Variants in TRAF6 observed in about 807,000 individuals in gnomAD.
TRAF6 encodes the protein TNF receptor-associated factor 6.
TRAF6 carries 10 observed loss-of-function variants against 48.4 expected under a neutral mutation model. The observed-to-expected ratio is 0.21, with a 90% confidence interval of 0.13 to 0.35. The LOEUF (loss-of-function observed/expected upper bound fraction) is 0.35, where lower values mean the gene tolerates loss of function less well. Among genes scored for constraint, TRAF6 ranks in the 10% least tolerant of loss-of-function variants. TRAF6 has a pLI of 1.00. For synonymous variants in TRAF6, 186 were observed against 219.6 expected (o/e 0.85, Z 1.35); for missense variants, 397 against 661.0 (o/e 0.60, Z 4.38).
At position 36,505,966 on chromosome 11, in the gene TRAF6, G is replaced by A. The variant is rs181248001; in HGVS notation, c.-23+4082C>T. Among the ~76,000 whole-genome samples the A allele has an allele frequency of 1.9e-3, 288 of 152,170 alleles. 7 individuals are homozygous for A. The highest frequency in any genetic ancestry group is 0.018 in the Admixed American group (270 of 15,264). On this transcript the variant is annotated intron_variant, in intron 1 of 6. Transcript: ENST00000526995. ...GTACTCCAAAACAACAATTACAATA[G>A]TAACATCAAAGATCGCTGATCACAG... is the stretch of plus-strand genomic sequence containing the variant.
rs767362549 is a variant in TRAF6 at position 36,486,664 on chromosome 11, A to C, written c.*3174T>G. 6.6e-6 allele frequency among the ~76,000 whole-genome samples: 1 copy of C among 152,186 alleles called. No individual in the cohort carries two copies. The highest frequency in any genetic ancestry group is 1.5e-5 in the Non-Finnish European group (1 of 68,048). ...ACTATTTATCCCCAAAATAAAAGTT[A>C]AATCATATTGTAGTATACCAATAAA... On this transcript the variant is annotated 3_prime_UTR_variant, in exon 7 of 7. Transcript: ENST00000526995.
rs1859489306 is a variant in TRAF6 at position 36,486,688 on chromosome 11, AAC to A, written c.*3148_*3149del. 6.6e-6 allele frequency among the ~76,000 whole-genome samples: 1 copy of A among 152,192 alleles called. No homozygotes were observed. The highest frequency in any genetic ancestry group is 1.5e-5 in the Non-Finnish European group (1 of 68,050). The stretch of plus-strand genomic sequence containing the variant: ...TAAATCATATTGTAGTATACCAATA[AAC>A]AGTCTTTGCTGCCAATAGATAGTAA... On this transcript the variant is annotated 3_prime_UTR_variant, in exon 7 of 7. Transcript: ENST00000526995.
intron 1 of TRAF6, among the ~76,000 whole-genome samples, chr11:36,503,457 G>A (rs1490295580): frequency 6.6e-6 from 1 of 152,062 alleles, no homozygotes; most frequent in African/African-American, 2.4e-5. Context: ...ACTAATTTTT[G>A]TGTTTAGTAG....
chr11:36,495,391 T>C (rs896888550), intron 4 of TRAF6, among the ~76,000 whole-genome samples: 4 of 152,194 alleles, frequency 2.6e-5, no homozygotes, highest in African/African-American at 9.7e-5. Flanking sequence ...TTACAAAAAT[T>C]TTCAGCAGCA....
At position 36,510,045 on chromosome 11, in the gene TRAF6, C is replaced by T. The variant is rs2133684837; in HGVS notation, c.-23+3G>A. 6.6e-6 allele frequency: 1 copy of T among 152,474 alleles called. No homozygotes were observed. The highest frequency in any genetic ancestry group is 1.9e-4 in the East Asian group (1 of 5,152). The allele number at this position is 152,474 out of a possible 1,614,324, so 9.4% of individuals were successfully genotyped here. The stretch of plus-strand genomic sequence containing the variant: ...CAGGAGGAGGCGCCTGAAGGAGACT[C>T]ACCGTTCTAGTGCGCGGGGAGGCCG... On this transcript the variant is annotated splice_donor_region_variant and intron_variant, in intron 1 of 6. Coordinates refer to ENST00000526995, the MANE Select transcript of TRAF6 (RefSeq NM_004620.4).
intron 6 of TRAF6, among the ~76,000 whole-genome samples, chr11:36,491,253 A>G (rs1020851525): frequency 6.6e-6 from 1 of 152,180 alleles, no homozygotes. Flanking sequence ...ATGCCATTCT[A>G]AGGTCATTAA....
At position 36,492,535 on chromosome 11, in the gene TRAF6, GA is replaced by G. The variant is rs3217283; in HGVS notation, c.756+15del. The G allele has an allele frequency of 0.017, 27,077 of 1,556,742 alleles. 377 individuals are homozygous for G. The highest frequency in any genetic ancestry group is 0.079 in the East Asian group (3,494 of 44,322). On this transcript the variant is annotated intron_variant, in intron 6 of 6. Coordinates refer to ENST00000526995, the MANE Select transcript of TRAF6 (RefSeq NM_004620.4). ...TTTTACTTATATTCAAGAATTAAAA[GA>G]AAAAAAAACCTTACCTTTTCATGGC...
intron 4 of TRAF6, chr11:36,496,562 AAG>A (rs1047608757): frequency 1.0e-4 from 16 of 153,520 alleles, no homozygotes; most frequent in African/African-American, 3.4e-4. Flanking sequence ...CCTGGGCAAC[AAG>A]AGTGAAACTC....
intron 2 of TRAF6, among the ~76,000 whole-genome samples, 161 bp from the exon 3 acceptor site, chr11:36,498,801 G>T (rs1421986554): frequency 6.6e-6 from 1 of 152,132 alleles, no homozygotes; most frequent in South Asian, 2.1e-4. Flanking sequence ...TCCTTTTATG[G>T]AGAGCTTACA....
At chr11:36,494,854 C>A in intron 5 of TRAF6, 122 bp downstream of exon 5, 1 of 539,396 alleles carries the variant, frequency 1.9e-6, no homozygotes, top group South Asian at 3.5e-5. Context: ...AATTTTCACA[C>A]AGCTCTAATA....
intron 3 of TRAF6, among the ~76,000 whole-genome samples, chr11:36,497,699 A>C (rs1218278034): frequency 1.3e-5 from 2 of 152,176 alleles, no homozygotes; most frequent in African/African-American, 2.4e-5. Context: ...AAAGCAAATT[A>C]TTTTATAATC....
intron 6 of TRAF6, 35 bp downstream of exon 6, chr11:36,492,516 T>C: frequency 6.7e-7 from 1 of 1,488,238 alleles, no homozygotes; most frequent in Non-Finnish European, 9.2e-7. Flanking sequence ...TTTTTTTTAC[T>C]TATATTCAAG....
chr11:36,494,107 A>G (rs1367506544), intron 5 of TRAF6, among the ~76,000 whole-genome samples: 2 of 152,200 alleles, frequency 1.3e-5, no homozygotes, highest in East Asian at 1.9e-4. Context: ...GCTCACACCT[A>G]TAATTCTAGC....
intron 1 of TRAF6, among the ~76,000 whole-genome samples, chr11:36,508,477 T>A (rs1227440664): frequency 6.6e-6 from 1 of 152,022 alleles, no homozygotes; most frequent in Non-Finnish European, 1.5e-5. Flanking sequence ...GAGGGGGAAG[T>A]AGGATAATCC....
Position 36,489,786 on chromosome 11 carries a change from A to G in TRAF6, c.*52T>C. ...TTTGCATGTTATTGAGAACAGGGCA[A>G]GGAAAGGCACTGTTTTCTCCAGGTA... On this transcript the variant is annotated 3_prime_UTR_variant, in exon 7 of 7. Transcript: ENST00000526995. 6.5e-7 allele frequency: 1 copy of G among 1,544,768 alleles called. No homozygotes were observed. The highest frequency in any genetic ancestry group is 8.8e-7 in the Non-Finnish European group (1 of 1,137,270).
rs1859509677 is a variant in TRAF6, at chr11:36,488,014, T to G, written c.*1824A>C. ...TAGTATATTTCCTTCAGGCTTTTTC[T>G]ACGCAAATACAAAAATACTACTGTT... On this transcript the variant is annotated 3_prime_UTR_variant, in exon 7 of 7. Transcript: ENST00000526995. The G allele has an allele frequency of 6.6e-6, 1 of 152,350 alleles. No homozygotes were observed. The highest frequency in any genetic ancestry group is 2.1e-4 in the South Asian group (1 of 4,826). 9.4% of individuals were successfully genotyped at this position (152,350 alleles called of 1,614,324 possible). A position where few individuals can be genotyped will look rare whatever the true frequency, so the allele number is the denominator to read the frequency against.
At chr11:36,509,777 G>A (rs115348594) in intron 1 of TRAF6, among the ~76,000 whole-genome samples, 107 of 151,946 alleles carry the variant, frequency 7.0e-4, no homozygotes, top group Middle Eastern at 3.4e-3. Flanking sequence ...CCGACCTGCA[G>A]GAAGCGAGGG....
intron 1 of TRAF6, among the ~76,000 whole-genome samples, chr11:36,508,547 C>T (rs1859841344): frequency 6.6e-6 from 1 of 151,962 alleles, no homozygotes; most frequent in African/African-American, 2.4e-5. Context: ...TAAAAGAAGT[C>T]AACAAGTTAT....
chr11:36,492,687 T>C (rs2133666819), intron 5 of TRAF6, 59 bp from the exon 6 acceptor site: 1 of 1,303,618 alleles, frequency 7.7e-7, no homozygotes, highest in Non-Finnish European at 1.1e-6. Context: ...TCTAGTTTGA[T>C]GCGATCACAT....
Sources: gnomAD v4.1 joint callset for allele counts (sites outside exome capture counted in the v4.1 genomes callset) on GRCh38, gnomAD v4.1.1 for gene constraint, MANE v1.5 for transcripts, NCBI Gene and HGNC (gene_info 2026-07-23, HGNC 2026-07-21) for gene names.